Variants in PPP3CA observed in about 807,000 individuals in gnomAD.
PPP3CA encodes protein phosphatase 3 catalytic subunit alpha.
In PPP3CA, 14 loss-of-function variants were observed where a neutral mutation model predicts 66.5. That is an observed-to-expected ratio of 0.21 (90% CI 0.14 to 0.33). The LOEUF (loss-of-function observed/expected upper bound fraction) is 0.33. Among genes scored for constraint, PPP3CA ranks in the 10% least tolerant of loss-of-function variants. PPP3CA has a pLI of 1.00. For missense variants in PPP3CA, 317 were observed against 639.5 expected, an observed-to-expected ratio of 0.50 and a Z score of 5.44; for synonymous variants, 232 against 226.2, an observed-to-expected ratio of 1.03 and a Z score of -0.23.
At chr4:101,293,881 G>C (rs1728110347) in intron 1 of PPP3CA, among the ~76,000 whole-genome samples, 1 of 151,690 alleles carries the variant, frequency 6.6e-6, no homozygotes, top group South Asian at 2.1e-4. Flanking sequence ...TCTCTCTTTT[G>C]CTCCATGAGG....
At chr4:101,257,861 T>A (rs928183612) in intron 1 of PPP3CA, among the ~76,000 whole-genome samples, 4 of 152,140 alleles carry the variant, frequency 2.6e-5, no homozygotes, top group African/African-American at 9.7e-5. Flanking sequence ...TCTAAAGGTA[T>A]TATCTTTGTT....
chr4:101,272,995 C>G (rs946901683), intron 1 of PPP3CA, among the ~76,000 whole-genome samples: 3 of 152,126 alleles, frequency 2.0e-5, no homozygotes, highest in African/African-American at 7.2e-5. Flanking sequence ...TTCAGAATTC[C>G]AAAAGAACAT....
intron 2 of PPP3CA, among the ~76,000 whole-genome samples, chr4:101,136,542 A>G (rs1212230107): frequency 1.7e-5 from 2 of 114,936 alleles, no homozygotes; most frequent in Non-Finnish European, 3.3e-5. Context: ...CTCCGCCTCA[A>G]AAAAAAAAAA....
chr4:101,268,275 T>G (rs1185135666), intron 1 of PPP3CA, among the ~76,000 whole-genome samples: 1 of 151,988 alleles, frequency 6.6e-6, no homozygotes, highest in African/African-American at 2.4e-5. Context: ...GGAAAAGAGG[T>G]ATTACTTCTT....
intron 12 of PPP3CA, 152 bp from the exon 13 acceptor site, chr4:101,029,347 TAAAAAAA>T (rs34620032): frequency 1.5e-4 from 12 of 79,478 alleles, no homozygotes; most frequent in East Asian, 1.8e-3. Flanking sequence ...ACAGAAATGC[TAAAAAAA>T]AAAAAAAAAA....
At chr4:101,278,122 T>TAAAAAAAAAAAA (rs3077992) in intron 1 of PPP3CA, among the ~76,000 whole-genome samples, 43 of 112,122 alleles carry the variant, frequency 3.8e-4, no homozygotes, top group African/African-American at 1.5e-3. Context: ...AAGCTATTAG[T>TAAAAAAAAAAAA]AAAAAAAAAA....
chr4:101,136,534 C>T (rs1722626616), intron 2 of PPP3CA, among the ~76,000 whole-genome samples: 1 of 145,214 alleles, frequency 6.9e-6, no homozygotes. Flanking sequence ...GAACGAGACT[C>T]CGCCTCAAAA....
intron 2 of PPP3CA, among the ~76,000 whole-genome samples, chr4:101,132,031 C>A (rs115721626): frequency 0.15 from 23,444 of 151,962 alleles, 2,134 homozygotes; most frequent in African/African-American, 0.24. Context: ...TGAAGGCAGA[C>A]ATAAAGAAGT....
At chr4:101,340,471 G>A (rs758489738) in intron 1 of PPP3CA, among the ~76,000 whole-genome samples, 8 of 151,826 alleles carry the variant, frequency 5.3e-5, no homozygotes, top group Non-Finnish European at 1.0e-4. Context: ...TTGTTAAAAC[G>A]GATTTGAGAT....
At chr4:101,035,877 C>G (rs1191137464) in intron 11 of PPP3CA, among the ~76,000 whole-genome samples, 1 of 152,120 alleles carries the variant, frequency 6.6e-6, no homozygotes, top group Non-Finnish European at 1.5e-5. Flanking sequence ...ACTCTTTGCC[C>G]TAGGTGTTGT....
chr4:101,141,753 C>T (rs1310088365), intron 2 of PPP3CA, among the ~76,000 whole-genome samples: 1 of 152,128 alleles, frequency 6.6e-6, no homozygotes, highest in Non-Finnish European at 1.5e-5. Flanking sequence ...TTACCAGTTT[C>T]TTTGTCTCTC....
intron 1 of PPP3CA, among the ~76,000 whole-genome samples, chr4:101,218,304 T>C (rs986891242): frequency 2.6e-5 from 4 of 152,008 alleles, no homozygotes; most frequent in Non-Finnish European, 5.9e-5. Flanking sequence ...CCTCAGCAAA[T>C]CCTGAGTTAA....
chr4:101,232,598 C>A (rs565895242), intron 1 of PPP3CA, among the ~76,000 whole-genome samples: 1 of 151,878 alleles, frequency 6.6e-6, no homozygotes, highest in South Asian at 2.1e-4. Flanking sequence ...TACCTTATGA[C>A]TGACCACATG....
intron 3 of PPP3CA, among the ~76,000 whole-genome samples, chr4:101,107,782 A>C (rs1005021000): frequency 6.6e-6 from 1 of 152,230 alleles, no homozygotes; most frequent in Non-Finnish European, 1.5e-5. Context: ...TGAAATAAAA[A>C]TTTTGAAATA....
intron 2 of PPP3CA, among the ~76,000 whole-genome samples, chr4:101,195,258 A>G (rs931335025): frequency 8.1e-6 from 1 of 123,806 alleles, no homozygotes; most frequent in African/African-American, 3.2e-5. Flanking sequence ...CAAGAGTGAA[A>G]CTTCATCTCA....
chr4:101,157,367 G>A (rs1723356323), intron 2 of PPP3CA, among the ~76,000 whole-genome samples: 1 of 152,076 alleles, frequency 6.6e-6, no homozygotes, highest in South Asian at 2.1e-4. Flanking sequence ...CACCTTCCAG[G>A]CATTTGTGTC....
At chr4:101,310,419 C>T (rs562867090) in intron 1 of PPP3CA, among the ~76,000 whole-genome samples, 22 of 152,142 alleles carry the variant, frequency 1.4e-4, no homozygotes, top group South Asian at 4.2e-4. Context: ...AGAAAAAAGG[C>T]CTATAATCTC....
chr4:101,154,516 T>C (rs747059798), intron 2 of PPP3CA, among the ~76,000 whole-genome samples: 1 of 152,156 alleles, frequency 6.6e-6, no homozygotes, highest in Non-Finnish European at 1.5e-5. Flanking sequence ...AATAAAAGTG[T>C]TCCAACACAT....
At chr4:101,267,387 G>A (rs899470030) in intron 1 of PPP3CA, among the ~76,000 whole-genome samples, 4 of 152,100 alleles carry the variant, frequency 2.6e-5, no homozygotes, top group African/African-American at 4.8e-5. Context: ...CCTATGATAC[G>A]CTAGGAATTG....
Sources: gnomAD v4.1 joint callset for allele counts (sites outside exome capture counted in the v4.1 genomes callset) on GRCh38, gnomAD v4.1.1 for gene constraint, MANE v1.5 for transcripts, NCBI Gene and HGNC (gene_info 2026-07-23, HGNC 2026-07-21) for gene names.